KRTAP29-1: variants seen among roughly 807,000 people sequenced by gnomAD.
KRTAP29-1 encodes keratin-associated protein 29-1.
For synonymous variants in KRTAP29-1, 142 were observed against 153.6 expected (o/e 0.92, Z 0.56); for missense variants, 419 against 412.1 (o/e 1.02, Z -0.14).
Position 41,301,991 on chromosome 17 carries a change from A to G in KRTAP29-1, c.861T>C (p.Ser287=). 1 of 1,550,584 alleles carries G rather than the reference A, an allele frequency of 6.4e-7. No individual in the cohort carries two copies. Among genetic ancestry groups the G allele is most frequent in the South Asian group, 1.2e-5 (1 of 84,060 alleles). The change falls in exon 1 of 1, where the codon TCT becomes TCC. Residue 287 remains serine (S), a synonymous_variant. Coordinates refer to ENST00000391353, the MANE Select transcript of KRTAP29-1 (RefSeq NM_001257309.1). ...CKPASCDTVI[S]GQPTCDGPPS... ...GGGGTCCATCACAAGTTGGTTGGCCAGAAATCACAGTGTCACAAGAAGCTG... is the reference window on the plus strand; with the variant it reads ...GGGGTCCATCACAAGTTGGTTGGCCGGAAATCACAGTGTCACAAGAAGCTG...
chr17:41,302,167 A>T lies in KRTAP29-1; in HGVS notation c.685T>A (p.Ser229Thr), dbSNP rs2016839230. The change falls in exon 1 of 1, where the codon TCG becomes ACG. Residue 229 changes from serine to threonine, a missense_variant. Ser to Thr is a moderately conservative substitution (Grantham distance 58, BLOSUM62 1). Coordinates refer to ENST00000391353, the MANE Select transcript of KRTAP29-1 (RefSeq NM_001257309.1). Reference sequence around the variant, plus strand: ...TTGCAAGAACTGAACACACAAGTCGATGGCTGGCAGGGAACAGGCATGTAG... The same window carrying T: ...TTGCAAGAACTGAACACACAAGTCGTTGGCTGGCAGGGAACAGGCATGTAG... ...ALYMPVPCQP[S>T]TCVFSSCNTT... is the part of the protein sequence containing the mutation. 2 of 1,550,540 alleles carry T rather than the reference A, an allele frequency of 1.3e-6. No homozygotes were observed. The highest frequency in any genetic ancestry group is 1.7e-6 in the Non-Finnish European group (2 of 1,147,018).
Position 41,302,680 on chromosome 17 carries a change from C to T in KRTAP29-1, c.172G>A (p.Ala58Thr). Reference sequence around the variant, plus strand: ...GAAGCAGGATCACAGCCACTTGGGGCACCAATGGATGGCTGACAGCTTTCT... The same window carrying T: ...GAAGCAGGATCACAGCCACTTGGGGTACCAATGGATGGCTGACAGCTTTCT... ...CQESCQPSIG[A>T]PSGCDPASCQ... is the part of the protein sequence containing the mutation. Residue 58 changes from alanine to threonine, a missense_variant, in exon 1 of 1, where the codon GCC becomes ACC. By Grantham distance (58) the Ala-to-Thr change is moderately conservative. Transcript: ENST00000391353. The T allele has an allele frequency of 6.4e-7, 1 of 1,550,630 alleles. No individual in the cohort carries two copies. Among genetic ancestry groups the T allele is most frequent in the Non-Finnish European group, 8.7e-7 (1 of 1,147,014 alleles).
rs955731866 is a variant in KRTAP29-1, at chr17:41,302,007, C to T, written c.845G>A (p.Cys282Tyr). Reference sequence around the variant, plus strand: ...TGGTTGGCCAGAAATCACAGTGTCACAAGAAGCTGGTTTGCAACAGTTCTT... The same window carrying T: ...TGGTTGGCCAGAAATCACAGTGTCATAAGAAGCTGGTTTGCAACAGTTCTT... ...STKNCCKPAS[C>Y]DTVISGQPTC... The change falls in exon 1 of 1, where the codon TGT becomes TAT. Residue 282 changes from cysteine to tyrosine, a missense_variant. Physicochemically the swap from Cys to Tyr is radical, Grantham distance 194. Coordinates refer to ENST00000391353, the MANE Select transcript of KRTAP29-1 (RefSeq NM_001257309.1). 15 of 1,550,432 alleles carry T rather than the reference C, an allele frequency of 9.7e-6. No homozygotes were observed. The African/African-American group carries it at 2.1e-4, about 21-fold the overall frequency.
the KRTAP29-1 span, chr17:41,302,384 G>T: frequency 6.4e-7 from 1 of 1,550,492 alleles, no homozygotes; most frequent in African/African-American, 1.4e-5. Flanking sequence ...AGGATGGCTG[G>T]CAGGATCCAG....
chr17:41,301,985 T>C lies in KRTAP29-1; in HGVS notation c.867A>G (p.Gln289=), dbSNP rs1352500805. Residue 289 remains glutamine (Q), a synonymous_variant, in exon 1 of 1, where the codon CAA becomes CAG. Transcript: ENST00000391353. ...AGGAAGGGGGTCCATCACAAGTTGGTTGGCCAGAAATCACAGTGTCACAAG... is the reference window on the plus strand; with the variant it reads ...AGGAAGGGGGTCCATCACAAGTTGGCTGGCCAGAAATCACAGTGTCACAAG... The part of the protein sequence containing the change: ...PASCDTVISG[Q]PTCDGPPSYN... 3.9e-6 allele frequency: 6 copies of C among 1,550,616 alleles called. No homozygotes were observed. Among genetic ancestry groups the C allele is most frequent in the Non-Finnish European group, 5.2e-6 (6 of 1,146,994 alleles).
In KRTAP29-1 at chr17:41,302,758, G is replaced by C; in HGVS notation, c.94C>G (p.Leu32Val). Reference sequence around the variant, plus strand: ...CTGTGGCAGGAACTAGGCAAACAGAGAGCATGTCGAAATCCACCTTTAACT... The same window carrying C: ...CTGTGGCAGGAACTAGGCAAACAGACAGCATGTCGAAATCCACCTTTAACT... ...YPVKGGFRHA[L>V]CLPSSCHSRM... The change falls in exon 1 of 1, where the codon CTC becomes GTC. Residue 32 changes from leucine to valine, a missense_variant. Transcript: ENST00000391353. 6.4e-7 allele frequency: 1 copy of C among 1,550,720 alleles called. No individual in the cohort carries two copies. The highest frequency in any genetic ancestry group is 8.7e-7 in the Non-Finnish European group (1 of 1,147,024).
rs1281519767 is a variant in KRTAP29-1 at position 41,302,819 on chromosome 17, T to C, written c.33A>G (p.Thr11=). 2 of 1,550,166 alleles carry C rather than the reference T, an allele frequency of 1.3e-6. No individual in the cohort carries two copies. Among genetic ancestry groups the C allele is most frequent in the Admixed American group, 2.0e-5 (1 of 51,006 alleles). MADGCCPGNT[T]AIPAVPTITT... ...TGATGGTGGGCACAGCTGGAATGGCTGTGGTGTTTCCAGGACAACAGCCGT... is the reference window on the plus strand; with the variant it reads ...TGATGGTGGGCACAGCTGGAATGGCCGTGGTGTTTCCAGGACAACAGCCGT... The change falls in exon 1 of 1, where the codon ACA becomes ACG. Residue 11 remains threonine (T), a synonymous_variant. Coordinates refer to ENST00000391353, the MANE Select transcript of KRTAP29-1 (RefSeq NM_001257309.1).
Position 41,302,477 on chromosome 17 carries a change from G to C in KRTAP29-1, c.375C>G (p.Pro125=). ...ATTCCTGGCAGGAGCTTTGCTGGCA[G>C]GGACTGGCATCGCAGCACTTTTCCT... ...CCQEKCCDAS[P]CQQSSCQESV... is the part of the protein sequence containing the mutation. Residue 125 remains proline, a synonymous_variant, in exon 1 of 1, where the codon CCC becomes CCG. Coordinates refer to ENST00000391353, the MANE Select transcript of KRTAP29-1 (RefSeq NM_001257309.1). The C allele has an allele frequency of 6.4e-7, 1 of 1,550,496 alleles. No homozygotes were observed. Among genetic ancestry groups the C allele is most frequent in the Non-Finnish European group, 8.7e-7 (1 of 1,146,912 alleles).
chr17:41,302,563 C>A lies in KRTAP29-1; in HGVS notation c.289G>T (p.Gly97Cys), dbSNP rs747008615. Residue 97 changes from glycine to cysteine, a missense_variant, in exon 1 of 1, where the codon GGT becomes TGT. Gly to Cys is a radical substitution (Grantham distance 159). Transcript: ENST00000391353. Reference protein sequence around the residue: ...SHAACYQSGTGQSPCLVSSCQ... With the variant: ...SHAACYQSGTCQSPCLVSSCQ... ...GAGCTAACCAGACAAGGAGACTGACCAGTGCCAGACTGATAGCAGGCTGCG... is the reference window on the plus strand; with the variant it reads ...GAGCTAACCAGACAAGGAGACTGACAAGTGCCAGACTGATAGCAGGCTGCG... 29 of 1,550,510 alleles carry A rather than the reference C, an allele frequency of 1.9e-5. No homozygotes were observed. Among genetic ancestry groups the A allele is most frequent in the South Asian group, 1.3e-4 (11 of 84,070 alleles).
In KRTAP29-1 at chr17:41,302,277, T is replaced by A; in HGVS notation, c.575A>T (p.Gln192Leu). ...QPTWCQGSSC[Q>L]PVSGEGQPCK... ...GGGCTGGCCTTCACCACTGACGGGT[T>A]GACATGAACTTCCTTGGCACCAAGT... The change falls in exon 1 of 1, where the codon CAA becomes CTA. Residue 192 changes from glutamine to leucine, a missense_variant. Physicochemically the swap from Gln to Leu is moderately radical, Grantham distance 113 (BLOSUM62 -2). Coordinates refer to ENST00000391353, the MANE Select transcript of KRTAP29-1 (RefSeq NM_001257309.1). 23 of 1,550,568 alleles carry A rather than the reference T, an allele frequency of 1.5e-5. No homozygotes were observed. Among genetic ancestry groups the A allele is most frequent in the Non-Finnish European group, 2.0e-5 (23 of 1,146,972 alleles).
At position 41,302,054 on chromosome 17, in the gene KRTAP29-1, G is replaced by T; in HGVS notation, c.798C>A (p.Asn266Lys). ...TCTTTGTGGAACAAGGGGCCTGGCA[G>T]TTAGCCACTGGCTGGTAGATGAAGC... ...STCFIYQPVA[N>K]CQAPCSTKNC... Residue 266 changes from asparagine (N) to lysine (K), a missense_variant, in exon 1 of 1, where the codon AAC becomes AAA. By Grantham distance (94) the Asn-to-Lys change is moderately conservative. Coordinates refer to ENST00000391353, the MANE Select transcript of KRTAP29-1 (RefSeq NM_001257309.1). 6.4e-7 allele frequency: 1 copy of T among 1,550,656 alleles called. No individual in the cohort carries two copies. The highest frequency in any genetic ancestry group is 8.7e-7 in the Non-Finnish European group (1 of 1,147,012).
Position 41,302,489 on chromosome 17 carries a change from G to C in KRTAP29-1, c.363C>G (p.Cys121Trp). The change falls in exon 1 of 1, where the codon TGC becomes TGG. Residue 121 changes from cysteine to tryptophan, a missense_variant. Coordinates refer to ENST00000391353, the MANE Select transcript of KRTAP29-1 (RefSeq NM_001257309.1). ...AGCTTTGCTGGCAGGGACTGGCATC[G>C]CAGCACTTTTCCTGACAACAAGTAG... ...SESTCCQEKC[C>W]DASPCQQSSC... The C allele has an allele frequency of 6.4e-7, 1 of 1,550,528 alleles. No homozygotes were observed. Among genetic ancestry groups the C allele is most frequent in the Non-Finnish European group, 8.7e-7 (1 of 1,146,974 alleles).
rs2016839230 is a variant in KRTAP29-1 at position 41,302,167 on chromosome 17, A to C, written c.685T>G (p.Ser229Ala). ...TTGCAAGAACTGAACACACAAGTCG[A>C]TGGCTGGCAGGGAACAGGCATGTAG... The part of the protein sequence containing the change: ...ALYMPVPCQP[S>A]TCVFSSCNTT... The change falls in exon 1 of 1, where the codon TCG becomes GCG. Residue 229 changes from serine to alanine, a missense_variant. Transcript: ENST00000391353. 6.4e-7 allele frequency: 1 copy of C among 1,550,540 alleles called. No homozygotes were observed. The highest frequency in any genetic ancestry group is 1.4e-5 in the African/African-American group (1 of 73,048).
chr17:41,302,769 A>T lies in KRTAP29-1; in HGVS notation c.83T>A (p.Phe28Tyr). The T allele has an allele frequency of 6.4e-7, 1 of 1,550,766 alleles. No homozygotes were observed. Among genetic ancestry groups the T allele is most frequent in the Non-Finnish European group, 8.7e-7 (1 of 1,147,016 alleles). ...ACTAGGCAAACAGAGAGCATGTCGA[A>T]ATCCACCTTTAACTGGGTATGTGGT... ...TITTYPVKGGFRHALCLPSSC... is the reference protein window; with the variant it reads ...TITTYPVKGGYRHALCLPSSC... The change falls in exon 1 of 1, where the codon TTT becomes TAT. Residue 28 changes from phenylalanine (F) to tyrosine (Y), a missense_variant. Coordinates refer to ENST00000391353, the MANE Select transcript of KRTAP29-1 (RefSeq NM_001257309.1).
Position 41,302,742 on chromosome 17 carries a change from G to A in KRTAP29-1, c.110C>T (p.Ser37Phe), listed in dbSNP as rs1024054077. Residue 37 changes from serine to phenylalanine, a missense_variant, in exon 1 of 1, where the codon TCC becomes TTC. Ser to Phe is a radical substitution (Grantham distance 155). Coordinates refer to ENST00000391353, the MANE Select transcript of KRTAP29-1 (RefSeq NM_001257309.1). ...CAGTTGCCACATTCTGCTGTGGCAG[G>A]AACTAGGCAAACAGAGAGCATGTCG... ...GFRHALCLPSSCHSRMWQLVT... is the reference protein window; with the variant it reads ...GFRHALCLPSFCHSRMWQLVT... 5.8e-6 allele frequency: 9 copies of A among 1,550,588 alleles called. 1 individual carries two copies. In the Admixed American group the frequency reaches 1.2e-4, roughly 20 times the overall value.
the KRTAP29-1 span, chr17:41,302,679 GCACCAATGGA>G: frequency 6.4e-7 from 1 of 1,550,642 alleles, no homozygotes. Context: ...GCCACTTGGG[GCACCAATGGA>G]TGGCTGACAG....
In KRTAP29-1 at chr17:41,302,046, G is replaced by T. The variant is rs533308847; in HGVS notation, c.806C>A (p.Ala269Asp). 6 of 1,550,616 alleles carry T rather than the reference G, an allele frequency of 3.9e-6. No homozygotes were observed. In the Admixed American group the frequency reaches 1.2e-4, roughly 30 times the overall value. ...GCAACAGTTCTTTGTGGAACAAGGGGCCTGGCAGTTAGCCACTGGCTGGTA... is the reference window on the plus strand; with the variant it reads ...GCAACAGTTCTTTGTGGAACAAGGGTCCTGGCAGTTAGCCACTGGCTGGTA... ...FIYQPVANCQ[A>D]PCSTKNCCKP... The change falls in exon 1 of 1, where the codon GCC becomes GAC. Residue 269 changes from alanine (A) to aspartate (D), a missense_variant. Transcript: ENST00000391353.
rs1184601159 is a variant in KRTAP29-1 at position 41,302,491 on chromosome 17, A to C, written c.361T>G (p.Cys121Gly). Reference sequence around the variant, plus strand: ...CTTTGCTGGCAGGGACTGGCATCGCAGCACTTTTCCTGACAACAAGTAGAT... The same window carrying C: ...CTTTGCTGGCAGGGACTGGCATCGCCGCACTTTTCCTGACAACAAGTAGAT... The part of the protein sequence containing the change: ...SESTCCQEKC[C>G]DASPCQQSSC... Residue 121 changes from cysteine to glycine, a missense_variant, in exon 1 of 1, where the codon TGC becomes GGC. By Grantham distance (159) the Cys-to-Gly change is radical (BLOSUM62 -3). Transcript: ENST00000391353. 6.4e-7 allele frequency: 1 copy of C among 1,550,546 alleles called. No homozygotes were observed. Among genetic ancestry groups the C allele is most frequent in the Non-Finnish European group, 8.7e-7 (1 of 1,146,956 alleles).
rs2016847423 is a variant in KRTAP29-1, at chr17:41,302,539, A to G, written c.313T>C (p.Ser105Pro). 2 of 1,550,570 alleles carry G rather than the reference A, an allele frequency of 1.3e-6. No individual in the cohort carries two copies. Among genetic ancestry groups the G allele is most frequent in the African/African-American group, 1.4e-5 (1 of 73,182 alleles). The stretch of plus-strand genomic sequence containing the variant: ...GATTCCGAGCAGGATGGCTGACATG[A>G]GCTAACCAGACAAGGAGACTGACCA... ...GTGQSPCLVS[S>P]CQPSCSESTC... is the part of the protein sequence containing the mutation. The change falls in exon 1 of 1, where the codon TCA becomes CCA. Residue 105 changes from serine (S) to proline (P), a missense_variant. Coordinates refer to ENST00000391353, the MANE Select transcript of KRTAP29-1 (RefSeq NM_001257309.1).
Sources: gnomAD v4.1 joint callset for allele counts on GRCh38, gnomAD v4.1.1 for gene constraint, MANE v1.5 for transcripts, NCBI Gene and HGNC (gene_info 2026-07-23, HGNC 2026-07-21) for gene names.